The following GPC5 variants were observed in gnomAD, a reference collection of about 807,000 sequenced individuals.
The protein encoded by GPC5 is glypican 5, also known as glypican-5.
In GPC5, 47 loss-of-function variants were observed where a neutral mutation model predicts 53.9. The observed-to-expected ratio is 0.87, with a 90% CI of 0.69 to 1.11. GPC5 has a LOEUF of 1.11. GPC5 is among the 50% of genes most tolerant of loss of function. The probability of loss-of-function intolerance (pLI) is 0.00; values close to 1 mark genes in which losing one functional copy is unlikely to be tolerated. For missense variants in GPC5, 748 were observed against 713.1 expected, an observed-to-expected ratio of 1.05 and a Z score of -0.56; for synonymous variants, 286 against 263.3, an observed-to-expected ratio of 1.09 and a Z score of -0.84.
chr13:91,469,829 C>T lies in GPC5; in HGVS notation c.325+20907C>T, dbSNP rs553349577. ...CCGAGGTGGGTGGATCACGTGATGT[C>T]AGGTGTTTGAGACCAGCCTGGCCAA... On this transcript the variant is annotated intron_variant, in intron 2 of 7. Coordinates refer to ENST00000377067, the MANE Select transcript of GPC5 (RefSeq NM_004466.6). Among the ~76,000 whole-genome samples the T allele has an allele frequency of 4.9e-4, 74 of 152,160 alleles. 1 individual carries two copies. Among genetic ancestry groups the T allele is most frequent in the African/African-American group, 1.7e-3 (70 of 41,526 alleles).
At chr13:91,748,262 T>C (rs2037095321) in intron 4 of GPC5, among the ~76,000 whole-genome samples, 1 of 152,200 alleles carries the variant, frequency 6.6e-6, no homozygotes, top group Admixed American at 6.5e-5. Context: ...ACATTACATA[T>C]AAATAGGAGC....
At chr13:91,402,842 A>G (rs1268988463) in intron 1 of GPC5, among the ~76,000 whole-genome samples, 1 of 152,202 alleles carries the variant, frequency 6.6e-6, no homozygotes, top group Non-Finnish European at 1.5e-5. Flanking sequence ...AATTTGGGAA[A>G]TGTATTTTTA....
At chr13:91,616,395 T>G (rs963814930) in intron 2 of GPC5, among the ~76,000 whole-genome samples, 1 of 152,126 alleles carries the variant, frequency 6.6e-6, no homozygotes, top group Non-Finnish European at 1.5e-5. Flanking sequence ...CAGTGTTTCC[T>G]ATAAAGATGT....
intron 5 of GPC5, among the ~76,000 whole-genome samples, chr13:91,855,292 G>C (rs1380252647): frequency 6.6e-6 from 1 of 151,594 alleles, no homozygotes; most frequent in Non-Finnish European, 1.5e-5. Context: ...TGGCTTTTCA[G>C]CTCTTGAGAG....
chr13:92,555,289 A>C (rs1789287165), intron 7 of GPC5, among the ~76,000 whole-genome samples: 1 of 151,658 alleles, frequency 6.6e-6, no homozygotes, highest in African/African-American at 2.4e-5. Flanking sequence ...CATCCTGATT[A>C]AATAGGGTTT....
chr13:92,562,973 T>C (rs1882743994), intron 7 of GPC5, among the ~76,000 whole-genome samples: 1 of 152,036 alleles, frequency 6.6e-6, no homozygotes, highest in Non-Finnish European at 1.5e-5. Flanking sequence ...GACAGTTCAC[T>C]GATGACCAAC....
intron 2 of GPC5, among the ~76,000 whole-genome samples, chr13:91,468,110 T>C (rs1882363538): frequency 6.6e-6 from 1 of 152,170 alleles, no homozygotes; most frequent in Non-Finnish European, 1.5e-5. Context: ...ATGGTCCTGG[T>C]CCCAGTGCCT....
chr13:92,005,067 T>C (rs1217248731), intron 6 of GPC5, among the ~76,000 whole-genome samples: 1 of 152,152 alleles, frequency 6.6e-6, no homozygotes, highest in Non-Finnish European at 1.5e-5. Flanking sequence ...ACATACTCCA[T>C]AGACACACCC....
At chr13:92,597,373 C>A (rs1466990988) in intron 7 of GPC5, among the ~76,000 whole-genome samples, 1 of 151,980 alleles carries the variant, frequency 6.6e-6, no homozygotes, top group Non-Finnish European at 1.5e-5. Flanking sequence ...CATTCAGGAG[C>A]CAGACGGATA....
At chr13:92,188,535 G>A (rs763562320) in intron 7 of GPC5, among the ~76,000 whole-genome samples, 4 of 151,992 alleles carry the variant, frequency 2.6e-5, no homozygotes, top group Non-Finnish European at 5.9e-5. Context: ...CTAAATCCAT[G>A]ACAATAATGG....
At chr13:91,745,677 G>A (rs2140089299) in intron 4 of GPC5, among the ~76,000 whole-genome samples, 1 of 152,236 alleles carries the variant, frequency 6.6e-6, no homozygotes, top group South Asian at 2.1e-4. Flanking sequence ...TTTCTGTAAT[G>A]AGCAATGAGT....
At chr13:92,257,546 A>ATTTTTTTTTTTTTGTTTTTT (rs2042735439) in intron 7 of GPC5, among the ~76,000 whole-genome samples, 1 of 72,966 alleles carries the variant, frequency 1.4e-5, no homozygotes, top group Non-Finnish European at 2.3e-5. Flanking sequence ...TAATACAGGG[A>ATTTTTTTTTTTTTGTTTTTT]TTTTTTTTTT....
intron 7 of GPC5, among the ~76,000 whole-genome samples, chr13:92,304,462 C>T (rs1472300170): frequency 2.0e-5 from 3 of 152,064 alleles, no homozygotes; most frequent in Admixed American, 1.3e-4. Context: ...CCTCGGCATC[C>T]CAAAGTGCTG....
chr13:92,356,758 A>G (rs2043525782), intron 7 of GPC5, among the ~76,000 whole-genome samples: 1 of 152,180 alleles, frequency 6.6e-6, no homozygotes, highest in African/African-American at 2.4e-5. Flanking sequence ...TTACGTAGGT[A>G]AACTTGTAGA....
chr13:92,768,130 T>C (rs949622497), intron 7 of GPC5, among the ~76,000 whole-genome samples: 1 of 152,180 alleles, frequency 6.6e-6, no homozygotes, highest in African/African-American at 2.4e-5. Context: ...TGCTACTGTA[T>C]TTCTTTTCTG....
At chr13:92,467,250 T>C (rs1317522728) in intron 7 of GPC5, among the ~76,000 whole-genome samples, 1 of 152,124 alleles carries the variant, frequency 6.6e-6, no homozygotes, top group Non-Finnish European at 1.5e-5. Context: ...TTGGTGTCGT[T>C]TGAAGACGAT....
chr13:92,645,161 C>T (rs1885726231), intron 7 of GPC5, among the ~76,000 whole-genome samples: 1 of 152,106 alleles, frequency 6.6e-6, no homozygotes, highest in Admixed American at 6.6e-5. Flanking sequence ...AAGTCAATTC[C>T]TTTCTACCAT....
In GPC5 at chr13:92,017,781, CACACACACGCATGAGT is replaced by C. The variant is rs770917215; in HGVS notation, c.1401+109756_1401+109771del. ...AAATAAACACACACGTGCATGAGTA[CACACACACGCATGAGT>C]ACACACACGCATGAGTACACACACG... On this transcript the variant is annotated intron_variant, in intron 6 of 7. Coordinates refer to ENST00000377067, the MANE Select transcript of GPC5 (RefSeq NM_004466.6). Among the ~76,000 whole-genome samples the C allele has an allele frequency of 4.7e-4, 71 of 151,496 alleles. 1 individual carries two copies. Among genetic ancestry groups the C allele is most frequent in the East Asian group, 2.1e-3 (11 of 5,122 alleles).
intron 6 of GPC5, among the ~76,000 whole-genome samples, chr13:92,059,637 A>G (rs920235307): frequency 1.3e-5 from 2 of 152,090 alleles, no homozygotes; most frequent in Non-Finnish European, 1.5e-5. Context: ...GTTTTCCTTT[A>G]TAAGTATGTA....
Sources: allele counts gnomAD v4.1 joint callset (sites outside exome capture counted in the v4.1 genomes callset), GRCh38; gene constraint gnomAD v4.1.1; transcripts MANE v1.5; gene names NCBI Gene and HGNC (gene_info 2026-07-23, HGNC 2026-07-21).